The following STIM2 variants were observed in gnomAD, a reference collection of about 807,000 sequenced individuals.
STIM2 encodes stromal interaction molecule 2.
STIM2 carries 31 observed loss-of-function variants against 85.8 expected under a neutral mutation model. The ratio of observed to expected loss-of-function variants is 0.36; its 90% CI spans 0.27 to 0.49. The LOEUF is 0.49. STIM2 is among the 20% of genes least tolerant of loss of function. The pLI is 0.98. For missense variants in STIM2, 841 were observed against 927.6 expected, an observed-to-expected ratio of 0.91 and a Z score of 1.21; for synonymous variants, 356 against 331.1, an observed-to-expected ratio of 1.08 and a Z score of -0.82.
intron 3 of STIM2, among the ~76,000 whole-genome samples, chr4:26,981,202 A>G (rs965368971): frequency 6.6e-6 from 1 of 152,160 alleles, no homozygotes; most frequent in Non-Finnish European, 1.5e-5. Flanking sequence ...AACTTTCCCT[A>G]TTTGTGAAAT....
intron 3 of STIM2, among the ~76,000 whole-genome samples, chr4:26,992,336 C>A (rs1346162930): frequency 1.3e-5 from 2 of 151,990 alleles, no homozygotes; most frequent in African/African-American, 2.4e-5. Context: ...TTATACTTTA[C>A]TGAAATAAAC....
intron 3 of STIM2, among the ~76,000 whole-genome samples, chr4:26,978,305 CTA>C (rs976974054): frequency 6.8e-6 from 1 of 146,594 alleles, no homozygotes. Flanking sequence ...AAATATAAAT[CTA>C]TATATATGAA....
In STIM2 at chr4:26,879,866, G is replaced by C. The variant is rs552718075; in HGVS notation, c.151+18497G>C. ...CTGACCTCCTGCCAGTAAATACTAT[G>C]GGTTCTAGCCACCACATTATGTCTT... On this transcript the variant is annotated intron_variant, in intron 1 of 11. Coordinates refer to ENST00000467087, the MANE Select transcript of STIM2 (RefSeq NM_020860.4). 3.3e-5 allele frequency among the ~76,000 whole-genome samples: 5 copies of C among 152,172 alleles called. No individual in the cohort carries two copies. The East Asian group carries it at 9.7e-4, about 29-fold the overall frequency.
intron 1 of STIM2, among the ~76,000 whole-genome samples, chr4:26,865,581 C>T (rs1306316183): frequency 6.6e-6 from 1 of 152,082 alleles, no homozygotes; most frequent in Non-Finnish European, 1.5e-5. Flanking sequence ...GGTGTGAACA[C>T]TTTCACAATG....
intron 10 of STIM2, among the ~76,000 whole-genome samples, chr4:27,014,483 T>G (rs111622894): frequency 0.013 from 2,045 of 151,982 alleles, 45 homozygotes; most frequent in African/African-American, 0.045. Flanking sequence ...TGTTTTTTTT[T>G]TTGTTGTCTG....
chr4:27,019,586 T>G (rs1728848936), intron 11 of STIM2: 1 of 952,074 alleles, frequency 1.1e-6, no homozygotes, highest in African/African-American at 1.7e-5. Flanking sequence ...AAGAGAATGA[T>G]TTGAATTTGG....
At chr4:26,941,131 T>C (rs1003292556) in intron 2 of STIM2, among the ~76,000 whole-genome samples, 6 of 152,302 alleles carry the variant, frequency 3.9e-5, no homozygotes, top group African/African-American at 9.6e-5. Context: ...AGTGACCTAC[T>C]GACAGACAGC....
At chr4:26,882,560 T>C (rs1723053147) in intron 1 of STIM2, among the ~76,000 whole-genome samples, 1 of 151,736 alleles carries the variant, frequency 6.6e-6, no homozygotes, top group Non-Finnish European at 1.5e-5. Context: ...CAGGCTCAAG[T>C]GATCCTCCTG....
chr4:26,869,364 T>A (rs893240905), intron 1 of STIM2, among the ~76,000 whole-genome samples: 1 of 148,874 alleles, frequency 6.7e-6, no homozygotes, highest in Non-Finnish European at 1.5e-5. Flanking sequence ...TACATATGGG[T>A]CCTAAAAAGA....
At position 26,896,364 on chromosome 4, in the gene STIM2, A is replaced by G. The variant is rs1723701808; in HGVS notation, c.152-23140A>G. 2.6e-5 allele frequency among the ~76,000 whole-genome samples: 4 copies of G among 152,220 alleles called. 1 individual carries two copies. The South Asian group carries it at 8.3e-4, about 32-fold the overall frequency. On this transcript the variant is annotated intron_variant, in intron 1 of 11. Coordinates refer to ENST00000467087, the MANE Select transcript of STIM2 (RefSeq NM_020860.4). Reference sequence around the variant, plus strand: ...AATCCTTTCTGCCATGTAATGTATCATAATCACAGTAGTGATAATCCCATC... The same window carrying G: ...AATCCTTTCTGCCATGTAATGTATCGTAATCACAGTAGTGATAATCCCATC...
chr4:26,903,816 C>A (rs1724018227), intron 1 of STIM2, among the ~76,000 whole-genome samples: 3 of 151,554 alleles, frequency 2.0e-5, no homozygotes, highest in Admixed American at 6.6e-5. Flanking sequence ...CCATCTGATT[C>A]TTTTTTTTGT....
chr4:27,011,718 C>G (rs1467378394), intron 10 of STIM2, among the ~76,000 whole-genome samples: 1 of 152,038 alleles, frequency 6.6e-6, no homozygotes, highest in African/African-American at 2.4e-5. Flanking sequence ...AGGTTGAGTA[C>G]CATTTCCTTT....
At chr4:26,921,196 G>T (rs186197373) in intron 2 of STIM2, among the ~76,000 whole-genome samples, 21 of 152,278 alleles carry the variant, frequency 1.4e-4, no homozygotes, top group Admixed American at 3.9e-4. Context: ...TGCAAATCAA[G>T]GAATGCTAAG....
chr4:26,901,009 C>T (rs968279314), intron 1 of STIM2, among the ~76,000 whole-genome samples: 1 of 152,182 alleles, frequency 6.6e-6, no homozygotes, highest in Non-Finnish European at 1.5e-5. Flanking sequence ...GTCCCTTGGT[C>T]TGTGTCTGAT....
chr4:26,874,250 T>G, intron 1 of STIM2: 1 of 428,282 alleles, frequency 2.3e-6, no homozygotes, highest in East Asian at 6.1e-5. Context: ...CCTGGATGGC[T>G]GGCCACAGGC....
intron 2 of STIM2, among the ~76,000 whole-genome samples, chr4:26,944,222 C>T (rs895303947): frequency 6.6e-6 from 1 of 151,952 alleles, no homozygotes; most frequent in Non-Finnish European, 1.5e-5. Flanking sequence ...TCTCATATAC[C>T]GTATTTTCTC....
chr4:26,974,141 G>T (rs1727088249), intron 3 of STIM2, among the ~76,000 whole-genome samples: 1 of 152,046 alleles, frequency 6.6e-6, no homozygotes, highest in South Asian at 2.1e-4. Context: ...TGCGCGTGCT[G>T]TGGGTCTCCT....
chr4:26,931,863 C>T (rs1725218097), intron 2 of STIM2, among the ~76,000 whole-genome samples: 1 of 152,156 alleles, frequency 6.6e-6, no homozygotes, highest in Non-Finnish European at 1.5e-5. Flanking sequence ...TGGCAATCAG[C>T]ACACAATTAA....
intron 2 of STIM2, among the ~76,000 whole-genome samples, chr4:26,940,342 A>G (rs970600943): frequency 2.6e-5 from 4 of 152,048 alleles, no homozygotes; most frequent in African/African-American, 7.2e-5. Context: ...GGTTTTAATG[A>G]TCACTTCTGC....
Sources: allele counts gnomAD v4.1 joint callset (sites outside exome capture counted in the v4.1 genomes callset), GRCh38; gene constraint gnomAD v4.1.1; transcripts MANE v1.5; gene names NCBI Gene and HGNC (gene_info 2026-07-23, HGNC 2026-07-21).